Variants in KCNIP3 observed in about 807,000 individuals in gnomAD.
KCNIP3 encodes calsenilin.
KCNIP3 carries 28 observed loss-of-function variants against 35.0 expected under a neutral mutation model. That is an observed-to-expected ratio of 0.80 (90% CI 0.59 to 1.10). The LOEUF (loss-of-function observed/expected upper bound fraction) is 1.10, where lower values mean the gene tolerates loss of function less well. Among genes scored for constraint, KCNIP3 ranks in the 50% least tolerant of loss-of-function variants. KCNIP3 has a pLI of 0.00. For missense variants in KCNIP3, 295 were observed against 338.4 expected (o/e 0.87, Z 1.01); for synonymous variants, 134 against 133.8 (o/e 1.00, Z -0.01).
intron 2 of KCNIP3, among the ~76,000 whole-genome samples, chr2:95,362,601 T>A (rs1480560476): frequency 6.6e-6 from 1 of 152,220 alleles, no homozygotes; most frequent in African/African-American, 2.4e-5. Context: ...TATGCACCCC[T>A]CGCATGCACA....
Position 95,374,378 on chromosome 2 carries a change from C to T in KCNIP3, c.264C>T (p.Phe88=). The stretch of plus-strand genomic sequence containing the variant: ...ACCAGCTGCAGGCCCAGACCAAGTT[C>T]ACCAAGAAGGAGCTGCAGTCTCTCT... ...GLDQLQAQTK[F]TKKELQSLYR... Residue 88 remains phenylalanine, a synonymous_variant, in exon 3 of 9, where the codon TTC becomes TTT. Coordinates refer to ENST00000295225, the MANE Select transcript of KCNIP3 (RefSeq NM_013434.5). 1 of 1,614,200 alleles carries T rather than the reference C, an allele frequency of 6.2e-7. No homozygotes were observed. The highest frequency in any genetic ancestry group is 8.5e-7 in the Non-Finnish European group (1 of 1,180,008).
chr2:95,346,558 T>A (rs965777623), intron 2 of KCNIP3, among the ~76,000 whole-genome samples: 1 of 145,286 alleles, frequency 6.9e-6, no homozygotes, highest in Non-Finnish European at 1.5e-5. Context: ...GGAGCGGCGA[T>A]GGAGGCTGGG....
intron 2 of KCNIP3, among the ~76,000 whole-genome samples, chr2:95,335,166 A>G (rs1214586114): frequency 6.6e-6 from 1 of 152,250 alleles, no homozygotes; most frequent in Non-Finnish European, 1.5e-5. Flanking sequence ...AGATGCTAAG[A>G]GATCCCACAG....
intron 2 of KCNIP3, among the ~76,000 whole-genome samples, chr2:95,324,585 T>C (rs1259567218): frequency 1.3e-5 from 2 of 150,468 alleles, no homozygotes; most frequent in Admixed American, 6.6e-5. Flanking sequence ...TTAAAAAACA[T>C]TTTTTTCATG....
chr2:95,305,903 A>G (rs534278450), intron 1 of KCNIP3, among the ~76,000 whole-genome samples: 40 of 152,320 alleles, frequency 2.6e-4, no homozygotes, highest in African/African-American at 9.6e-4. Context: ...ATTGAAGGGC[A>G]TTGGGTTGCT....
chr2:95,302,731 G>A (rs1018073110), intron 1 of KCNIP3, among the ~76,000 whole-genome samples: 5 of 152,154 alleles, frequency 3.3e-5, no homozygotes, highest in African/African-American at 9.7e-5. Flanking sequence ...GCGAGGGTGC[G>A]GGATTCATGT....
intron 2 of KCNIP3, among the ~76,000 whole-genome samples, chr2:95,351,406 A>C (rs1679517846): frequency 6.6e-6 from 1 of 152,128 alleles, no homozygotes; most frequent in African/African-American, 2.4e-5. Context: ...GGGTTGGGGG[A>C]AGTCGCCAGT....
In KCNIP3 at chr2:95,376,661, C is replaced by T. The variant is rs1371462607; in HGVS notation, c.447+1453C>T. ...GGTACATTTACCTTGAGGAACTTCT[C>T]GATTTCAAAGTGTTCTGCTCTGGGA... On this transcript the variant is annotated intron_variant, in intron 5 of 8. Transcript: ENST00000295225. The surrounding 1 kb of genome is among the most constrained non-coding windows in gnomAD (Gnocchi z 4.2). Among the ~76,000 whole-genome samples, 4 of 152,204 alleles carry T rather than the reference C, an allele frequency of 2.6e-5. No homozygotes were observed. The highest frequency in any genetic ancestry group is 9.7e-5 in the African/African-American group (4 of 41,446).
intron 2 of KCNIP3, among the ~76,000 whole-genome samples, chr2:95,319,969 C>G (rs1236686490): frequency 1.3e-5 from 2 of 152,162 alleles, no homozygotes; most frequent in Admixed American, 6.5e-5. Flanking sequence ...TTGCCTCTGC[C>G]CGGGGCCCCA....
chr2:95,349,772 G>A lies in KCNIP3; in HGVS notation c.182-24524G>A, dbSNP rs561916103. Among the ~76,000 whole-genome samples, 3 of 152,350 alleles carry A rather than the reference G, an allele frequency of 2.0e-5. No individual in the cohort carries two copies. In the South Asian group the frequency reaches 6.2e-4, roughly 32 times the overall value. The stretch of plus-strand genomic sequence containing the variant: ...TAATTAGGATTCCTCCTTCCCTGGT[G>A]ACCTACGGGATATCAGAGATGAAGA... On this transcript the variant is annotated intron_variant, in intron 2 of 8. Coordinates refer to ENST00000295225, the MANE Select transcript of KCNIP3 (RefSeq NM_013434.5).
chr2:95,372,664 G>A (rs953761682), intron 2 of KCNIP3, among the ~76,000 whole-genome samples: 2 of 152,208 alleles, frequency 1.3e-5, no homozygotes, highest in African/African-American at 2.4e-5. Context: ...GCAGGCAGGC[G>A]TGCAGACGTC....
chr2:95,375,045 C>A, intron 4 of KCNIP3, 93 bp from the exon 5 acceptor site: 1 of 1,513,264 alleles, frequency 6.6e-7, no homozygotes, highest in Non-Finnish European at 9.2e-7. Flanking sequence ...CAAGCCAGGA[C>A]GCAGTTAGCA....
At chr2:95,342,142 G>C (rs1036115671) in intron 2 of KCNIP3, among the ~76,000 whole-genome samples, 3 of 152,194 alleles carry the variant, frequency 2.0e-5, no homozygotes, top group African/African-American at 7.2e-5. Context: ...TCTGGTAGCT[G>C]CGAGTGTGAC....
At chr2:95,328,950 G>T (rs1010383125) in intron 2 of KCNIP3, among the ~76,000 whole-genome samples, 3 of 152,194 alleles carry the variant, frequency 2.0e-5, no homozygotes, top group African/African-American at 4.8e-5. Context: ...ATGGAAGGAA[G>T]AGGGGAGCTG....
At chr2:95,339,610 T>C (rs1679144105) in intron 2 of KCNIP3, among the ~76,000 whole-genome samples, 1 of 151,376 alleles carries the variant, frequency 6.6e-6, no homozygotes, top group African/African-American at 2.4e-5. Context: ...AAAATAATAA[T>C]AATAATGAAG....
chr2:95,379,884 T>C (rs540049628), intron 5 of KCNIP3, among the ~76,000 whole-genome samples: 162 of 152,356 alleles, frequency 1.1e-3, no homozygotes, highest in Non-Finnish European at 1.8e-3. Flanking sequence ...AATTTCACCA[T>C]GATCTATGCT....
intron 2 of KCNIP3, among the ~76,000 whole-genome samples, chr2:95,322,638 G>C (rs114201541): frequency 1.3e-5 from 2 of 152,232 alleles, no homozygotes; most frequent in Non-Finnish European, 2.9e-5. Flanking sequence ...AAGGCCCTGA[G>C]TTGGGGCCTC....
intron 1 of KCNIP3, among the ~76,000 whole-genome samples, chr2:95,298,353 C>T (rs1187039987): frequency 6.6e-6 from 1 of 152,078 alleles, no homozygotes; most frequent in East Asian, 1.9e-4. Flanking sequence ...GCCTGATCAG[C>T]AGCATTTCAG....
intron 1 of KCNIP3, 101 bp from the exon 2 acceptor site, chr2:95,310,253 GT>G (rs1324619986): frequency 7.2e-7 from 1 of 1,380,196 alleles, no homozygotes; most frequent in Non-Finnish European, 1.0e-6. Flanking sequence ...CCTCTGTTGT[GT>G]TCAGGCTGGC....
Sources: allele counts gnomAD v4.1 joint callset (sites outside exome capture counted in the v4.1 genomes callset), GRCh38; gene constraint gnomAD v4.1.1; non-coding constraint Gnocchi (gnomAD v3.1); transcripts MANE v1.5; gene names NCBI Gene and HGNC (gene_info 2026-07-23, HGNC 2026-07-21).